Variants in FER1L6 observed in about 807,000 individuals in gnomAD.
FER1L6 encodes the protein fer-1 like family member 6.
Under a neutral mutation model 219.2 loss-of-function variants are expected in FER1L6, and 177 were observed. The ratio of observed to expected loss-of-function variants is 0.81; its 90% CI spans 0.71 to 0.91. The LOEUF is 0.91. Among genes scored for constraint, FER1L6 ranks in the 40% least tolerant of loss-of-function variants. FER1L6 has a pLI of 0.00. For synonymous variants in FER1L6, 768 were observed against 824.3 expected (o/e 0.93, Z 1.17); for missense variants, 2,153 against 2,259.9 (o/e 0.95, Z 0.96).
At chr8:124,026,737 A>T (rs527796951) in intron 18 of FER1L6, among the ~76,000 whole-genome samples, 118 of 151,984 alleles carry the variant, frequency 7.8e-4, no homozygotes, top group Non-Finnish European at 1.5e-3. Context: ...TTGCAGACAG[A>T]AGGGCCCTAT....
At chr8:124,006,109 ACAGCTGGATCTGC>A (rs1817644833) in intron 13 of FER1L6, among the ~76,000 whole-genome samples, 1 of 152,216 alleles carries the variant, frequency 6.6e-6, no homozygotes, top group African/African-American at 2.4e-5. Context: ...CAGTGAGGGA[ACAGCTGGATCTGC>A]AGTTCTGGGG....
At chr8:123,927,636 T>C (rs1463144207) in intron 1 of FER1L6, among the ~76,000 whole-genome samples, 1 of 152,226 alleles carries the variant, frequency 6.6e-6, no homozygotes, top group Non-Finnish European at 1.5e-5. Flanking sequence ...CTTACTTTAA[T>C]GTTTTTCTTA....
In FER1L6 at chr8:124,119,292, C is replaced by T. The variant is rs111793578; in HGVS notation, c.5391-315C>T. 4.1e-3 allele frequency among the ~76,000 whole-genome samples: 620 copies of T among 152,192 alleles called. 5 individuals are homozygous for T. The highest frequency in any genetic ancestry group is 0.013 in the African/African-American group (526 of 41,548). ...TGAAGGGAATCATTGGGGCCTGAGG[C>T]TGTCAGGAAAGACTTCATAGAAAAG... is the stretch of plus-strand genomic sequence containing the variant. On this transcript the variant is annotated intron_variant, in intron 40 of 40. Transcript: ENST00000522917.
At position 123,948,504 on chromosome 8, in the gene FER1L6, T is replaced by C. The variant is rs1482842213; in HGVS notation, c.-7-7488T>C. 8.5e-5 allele frequency among the ~76,000 whole-genome samples: 13 copies of C among 152,366 alleles called. No homozygotes were observed. In the East Asian group the frequency reaches 2.3e-3, roughly 27 times the overall value. On this transcript the variant is annotated intron_variant, in intron 1 of 40. Coordinates refer to ENST00000522917, the MANE Select transcript of FER1L6 (RefSeq NM_001039112.2). ...AGCATGGAATATTCATTCATTCATC[T>C]TATTTTGTAATTTCCAGAGTATAGG...
intron 12 of FER1L6, among the ~76,000 whole-genome samples, chr8:123,987,147 G>C (rs933155506): frequency 1.3e-5 from 2 of 152,120 alleles, no homozygotes; most frequent in Non-Finnish European, 2.9e-5. Flanking sequence ...AGTGTATGAG[G>C]GTTCGCTTTT....
chr8:124,087,049 A>G (rs1821814151), intron 33 of FER1L6, among the ~76,000 whole-genome samples: 1 of 152,114 alleles, frequency 6.6e-6, no homozygotes, highest in South Asian at 2.1e-4. Context: ...TGATTATTAA[A>G]TGTCTTGAGG....
chr8:124,079,786 C>T (rs180742443), intron 32 of FER1L6, among the ~76,000 whole-genome samples: 12 of 152,246 alleles, frequency 7.9e-5, no homozygotes, highest in African/African-American at 2.4e-5. Context: ...TCTGTGTAAT[C>T]GGAGAGCTTG....
intron 1 of FER1L6, among the ~76,000 whole-genome samples, chr8:123,907,516 T>C (rs1302536807): frequency 6.6e-6 from 1 of 151,966 alleles, no homozygotes; most frequent in Non-Finnish European, 1.5e-5. Flanking sequence ...CTGGAAATGT[T>C]GTCCAATAAC....
intron 1 of FER1L6, among the ~76,000 whole-genome samples, chr8:123,949,322 C>G (rs939432454): frequency 5.3e-5 from 8 of 152,008 alleles, no homozygotes; most frequent in Non-Finnish European, 7.4e-5. Context: ...AACATAGCAC[C>G]CATTCTCCTA....
At chr8:124,096,965 T>A (rs753523107) in intron 35 of FER1L6, among the ~76,000 whole-genome samples, 1 of 152,120 alleles carries the variant, frequency 6.6e-6, no homozygotes, top group Non-Finnish European at 1.5e-5. Context: ...GTTCATAAGA[T>A]AATGTGTGTC....
intron 7 of FER1L6, 120 bp downstream of exon 7, chr8:123,973,632 A>C (rs1447224125): frequency 3.9e-6 from 3 of 763,420 alleles, no homozygotes; most frequent in Non-Finnish European, 7.1e-6. Flanking sequence ...AGCACCAGTT[A>C]TACAAAGTTG....
At chr8:123,920,010 A>G (rs1013005002) in intron 1 of FER1L6, among the ~76,000 whole-genome samples, 2 of 152,216 alleles carry the variant, frequency 1.3e-5, no homozygotes, top group African/African-American at 4.8e-5. Flanking sequence ...CTGTCCCATC[A>G]TACTTCTCTT....
chr8:124,016,699 A>G (rs1335598653), intron 15 of FER1L6, among the ~76,000 whole-genome samples: 2 of 152,226 alleles, frequency 1.3e-5, no homozygotes, highest in African/African-American at 4.8e-5. Flanking sequence ...CTACAGGTGC[A>G]CATAATAGAT....
chr8:124,076,167 G>T, intron 31 of FER1L6, 31 bp from the exon 32 acceptor site: 1 of 1,612,602 alleles, frequency 6.2e-7, no homozygotes, highest in South Asian at 1.1e-5. Flanking sequence ...GAGAGCTATT[G>T]AACCAAAGAC....
chr8:124,102,241 G>A (rs995779933), intron 38 of FER1L6, among the ~76,000 whole-genome samples: 15 of 152,142 alleles, frequency 9.9e-5, no homozygotes, highest in African/African-American at 2.9e-4. Context: ...TGGAGAGGAG[G>A]AGTCTATTCA....
In FER1L6 at chr8:124,062,028, G is replaced by A; in HGVS notation, c.3324G>A (p.Gly1108=). ...CACAGGTGGATGGAACCCAGCCTGG[G>A]CACGGTGAGAAGCTGCTCTTAGATT... ...PITQVDGTQP[G]HDISDSLTAT... is the part of the protein sequence containing the mutation. The change falls in exon 25 of 41, where the codon GGG becomes GGA. Residue 1108 remains glycine (G), a synonymous_variant. Transcript: ENST00000522917. 6.2e-7 allele frequency: 1 copy of A among 1,614,082 alleles called. No homozygotes were observed. Among genetic ancestry groups the A allele is most frequent in the East Asian group, 2.2e-5 (1 of 44,880 alleles).
intron 12 of FER1L6, among the ~76,000 whole-genome samples, chr8:124,001,946 T>C (rs534338495): frequency 6.6e-6 from 1 of 152,244 alleles, no homozygotes; most frequent in South Asian, 2.1e-4. Context: ...TTCTCATACA[T>C]GTAAGGTTTG....
At chr8:124,043,685 A>T (rs1819601930) in intron 20 of FER1L6, among the ~76,000 whole-genome samples, 1 of 152,106 alleles carries the variant, frequency 6.6e-6, no homozygotes, top group Non-Finnish European at 1.5e-5. Flanking sequence ...GTCTATATTC[A>T]TCATCACCAC....
Position 123,856,056 on chromosome 8 carries a change from G to GTATA in FER1L6, c.-8+3872_-8+3873insATAT, listed in dbSNP as rs1229311933. Among the ~76,000 whole-genome samples the GTATA allele has an allele frequency of 3.1e-4, 41 of 132,976 alleles. 2 individuals carry two copies. The highest frequency in any genetic ancestry group is 9.2e-4 in the African/African-American group (34 of 36,758). The allele number at this position is 132,976 out of a possible 152,430, so 87.2% of individuals were successfully genotyped here. Reference sequence around the variant, plus strand: ...ATATGAGATATATGTATATACATATGTGTATGAGATATATGTATATACATA... The same window carrying GTATA: ...ATATGAGATATATGTATATACATATGTATATGTATGAGATATATGTATATACATA... On this transcript the variant is annotated intron_variant, in intron 1 of 40. Transcript: ENST00000522917.
Sources: allele counts gnomAD v4.1 joint callset (sites outside exome capture counted in the v4.1 genomes callset), GRCh38; gene constraint gnomAD v4.1.1; transcripts MANE v1.5; gene names NCBI Gene and HGNC (gene_info 2026-07-23, HGNC 2026-07-21).